Variants in MPDZ observed in about 807,000 individuals in gnomAD.
The protein encoded by MPDZ is multiple PDZ domain protein.
MPDZ carries 234 observed loss-of-function variants against 239.1 expected under a neutral mutation model. The observed-to-expected ratio is 0.98, with a 90% CI of 0.88 to 1.09. The LOEUF is 1.09. Among genes scored for constraint, MPDZ ranks in the 50% least tolerant of loss-of-function variants. The probability of loss-of-function intolerance (pLI) is 0.00; values close to 1 mark genes in which losing one functional copy is unlikely to be tolerated. For missense variants in MPDZ, 3,175 were observed against 2,510.0 expected (o/e 1.26, Z -5.66); for synonymous variants, 1,048 against 881.3 (o/e 1.19, Z -3.35).
chr9:13,265,239 G>A (rs1208501555), intron 1 of MPDZ, among the ~76,000 whole-genome samples: 1 of 152,188 alleles, frequency 6.6e-6, no homozygotes, highest in East Asian at 1.9e-4. Flanking sequence ...TTGCCTGCCT[G>A]GAATGAGGCA....
intron 3 of MPDZ, among the ~76,000 whole-genome samples, chr9:13,235,014 T>TATACATGATACATG: frequency 6.6e-6 from 1 of 152,126 alleles, no homozygotes; most frequent in East Asian, 1.9e-4. Context: ...AAAAATTTTT[T>TATACATGATACATG]ATACATGATA....
intron 3 of MPDZ, among the ~76,000 whole-genome samples, chr9:13,243,014 T>C (rs1174399989): frequency 3.3e-5 from 5 of 152,136 alleles, no homozygotes; most frequent in East Asian, 1.9e-4. Context: ...CCTGTAAACA[T>C]TGCTCTCTCT....
chr9:13,241,719 A>C (rs943367150), intron 3 of MPDZ, among the ~76,000 whole-genome samples: 4 of 152,172 alleles, frequency 2.6e-5, no homozygotes, highest in African/African-American at 9.7e-5. Context: ...AAAGTTTCTC[A>C]TTTTCCCATC....
chr9:13,268,501 C>G lies in MPDZ; in HGVS notation c.-58+10899G>C, dbSNP rs146263510. Reference sequence around the variant, plus strand: ...TATGACAAAAGAAGAATGAGGATAACTATCTAACTTCTGAGCTCCCAATTT... The same window carrying G: ...TATGACAAAAGAAGAATGAGGATAAGTATCTAACTTCTGAGCTCCCAATTT... On this transcript the variant is annotated intron_variant, in intron 1 of 46. Coordinates refer to ENST00000319217, the MANE Select transcript of MPDZ (RefSeq NM_001378778.1). Among the ~76,000 whole-genome samples, 1,476 of 152,214 alleles carry G rather than the reference C, an allele frequency of 9.7e-3. 28 individuals are homozygous for G. The highest frequency in any genetic ancestry group is 0.033 in the African/African-American group (1,368 of 41,526).
At chr9:13,223,845 T>A in intron 4 of MPDZ, 135 bp from the exon 5 acceptor site, 1 of 834,522 alleles carries the variant, frequency 1.2e-6, no homozygotes, top group South Asian at 2.3e-5. Flanking sequence ...CAGACTGGGC[T>A]ACATAATGTG....
intron 16 of MPDZ, 33 bp downstream of exon 16, chr9:13,190,081 C>T: frequency 1.3e-6 from 2 of 1,576,266 alleles, no homozygotes; most frequent in Non-Finnish European, 8.7e-7. Context: ...AACAATAGGC[C>T]TTTAAAAATT....
rs533144115 is a variant in MPDZ at position 13,118,690 on chromosome 9, G to C, written c.5379+812C>G. Among the ~76,000 whole-genome samples the C allele has an allele frequency of 9.2e-5, 14 of 152,272 alleles. No individual in the cohort carries two copies. In the South Asian group the frequency reaches 1.2e-3, roughly 14 times the overall value. Reference sequence around the variant, plus strand: ...GAATGCAAATCCCCTCTAGAAACTGGAATATTCCCTGACAGAGAATATGCC... The same window carrying C: ...GAATGCAAATCCCCTCTAGAAACTGCAATATTCCCTGACAGAGAATATGCC... On this transcript the variant is annotated intron_variant, in intron 39 of 46. Transcript: ENST00000319217.
rs368576356 is a variant in MPDZ at position 13,113,000 on chromosome 9, C to G, written c.5601+11G>C. ...CGCCAGGGTTTATATTGTTTTCTCT[C>G]CCCAAGTTACCTTTTTCATTTCGAC... On this transcript the variant is annotated intron_variant, in intron 42 of 46. Coordinates refer to ENST00000319217, the MANE Select transcript of MPDZ (RefSeq NM_001378778.1). 3.0e-5 allele frequency: 47 copies of G among 1,579,708 alleles called. No homozygotes were observed. The highest frequency in any genetic ancestry group is 5.4e-5 in the Admixed American group (3 of 55,220).
In MPDZ at chr9:13,123,163, T is replaced by C. The variant is rs1309565728; in HGVS notation, c.4943A>G (p.Asp1648Gly). Residue 1648 changes from aspartate (D) to glycine (G), a missense_variant, in exon 36 of 47, where the codon GAC (aspartate) becomes GGC (glycine). Physicochemically the swap from Asp to Gly is moderately conservative, Grantham distance 94 (BLOSUM62 -1). Coordinates refer to ENST00000319217, the MANE Select transcript of MPDZ (RefSeq NM_001378778.1). ...GLGLSIVGGS[D>G]TLLGAIIIHE... The stretch of plus-strand genomic sequence containing the variant: ...CTGGGTGGTGCTCACCAGCAGCGTG[T>C]CTGAACCCCCAACGATGCTCAGGCC... The C allele has an allele frequency of 1.9e-6, 3 of 1,612,166 alleles. No homozygotes were observed. Among genetic ancestry groups the C allele is most frequent in the Non-Finnish European group, 1.7e-6 (2 of 1,179,534 alleles).
intron 5 of MPDZ, 67 bp downstream of exon 5, chr9:13,223,504 C>T (rs192065250): frequency 3.7e-5 from 56 of 1,500,840 alleles, no homozygotes; most frequent in Non-Finnish European, 4.8e-5. Flanking sequence ...TTTCTAAATT[C>T]CTGCATAGTA....
At chr9:13,204,808 G>A (rs985945756) in intron 12 of MPDZ, among the ~76,000 whole-genome samples, 4 of 152,128 alleles carry the variant, frequency 2.6e-5, no homozygotes, top group African/African-American at 9.7e-5. Context: ...GACTCAGCAA[G>A]AAAGTGTAAG....
At chr9:13,264,203 GTTATT>G (rs1218599090) in intron 1 of MPDZ, among the ~76,000 whole-genome samples, 1 of 152,016 alleles carries the variant, frequency 6.6e-6, no homozygotes, top group African/African-American at 2.4e-5. Context: ...GCTTTTGAAA[GTTATT>G]TTTATTTTTA....
intron 38 of MPDZ, among the ~76,000 whole-genome samples, chr9:13,121,087 T>C (rs1385407161): frequency 1.3e-5 from 2 of 152,240 alleles, no homozygotes; most frequent in African/African-American, 4.8e-5. Context: ...TGTACTCATA[T>C]ACAAATGAAT....
At chr9:13,273,150 C>T (rs1421038845) in intron 1 of MPDZ, among the ~76,000 whole-genome samples, 4 of 152,172 alleles carry the variant, frequency 2.6e-5, no homozygotes, top group Admixed American at 6.5e-5. Context: ...TGATCTGGTA[C>T]TTCCCAGCCT....
intron 21 of MPDZ, among the ~76,000 whole-genome samples, chr9:13,174,574 T>A (rs542352843): frequency 3.3e-5 from 5 of 152,178 alleles, no homozygotes; most frequent in Admixed American, 6.5e-5. Flanking sequence ...ATTTATCTCA[T>A]CCCAAACTTT....
At chr9:13,114,591 T>A (rs1447734173) in intron 40 of MPDZ, among the ~76,000 whole-genome samples, 3 of 152,192 alleles carry the variant, frequency 2.0e-5, no homozygotes, top group Non-Finnish European at 2.9e-5. Context: ...GATGTTGCTA[T>A]AAAATATTTT....
At chr9:13,219,803 T>C (rs1958850851) in intron 7 of MPDZ, 35 bp from the exon 8 acceptor site, 2 of 1,585,430 alleles carry the variant, frequency 1.3e-6, no homozygotes, top group Non-Finnish European at 1.7e-6. Context: ...TAGACTATTA[T>C]TATTTTAACT....
intron 25 of MPDZ, among the ~76,000 whole-genome samples, chr9:13,148,466 AG>A (rs1229087526): frequency 6.6e-6 from 1 of 152,072 alleles, no homozygotes; most frequent in African/African-American, 2.4e-5. Flanking sequence ...ACACAACTCT[AG>A]AAAAGAACAT....
At chr9:13,188,428 G>A (rs1324823716) in intron 17 of MPDZ, among the ~76,000 whole-genome samples, 2 of 152,028 alleles carry the variant, frequency 1.3e-5, no homozygotes, top group Admixed American at 6.6e-5. Context: ...GGAGGCAGGA[G>A]AATCGCTTGA....
Sources: allele counts gnomAD v4.1 joint callset (sites outside exome capture counted in the v4.1 genomes callset), GRCh38; gene constraint gnomAD v4.1.1; transcripts MANE v1.5; gene names NCBI Gene and HGNC (gene_info 2026-07-23, HGNC 2026-07-21).